The following NPAT variants were observed in gnomAD, a reference collection of about 807,000 sequenced individuals.
The protein encoded by NPAT is protein NPAT.
Under a neutral mutation model 130.7 loss-of-function variants are expected in NPAT, and 52 were observed. That is an observed-to-expected ratio of 0.40 (90% CI 0.32 to 0.50). The LOEUF is 0.50. Among genes scored for constraint, NPAT ranks in the 20% least tolerant of loss-of-function variants. The probability of loss-of-function intolerance (pLI) is 0.68; values close to 1 mark genes in which losing one functional copy is unlikely to be tolerated. For synonymous variants in NPAT, 580 were observed against 584.8 expected (o/e 0.99, Z 0.12); for missense variants, 1,687 against 1,662.6 (o/e 1.01, Z -0.26).
In NPAT at chr11:108,158,428, G is replaced by A. The variant is rs571857473; in HGVS notation, c.*514C>T. On this transcript the variant is annotated 3_prime_UTR_variant, in exon 18 of 18. Coordinates refer to ENST00000278612, the MANE Select transcript of NPAT (RefSeq NM_002519.3). The stretch of plus-strand genomic sequence containing the variant: ...TCATCAAACTGTTGATTTCTAATTA[G>A]ATATTTTGCTATCAGTTGAGGTGGT... The A allele has an allele frequency of 6.5e-6, 1 of 153,348 alleles. No homozygotes were observed. Among genetic ancestry groups the A allele is most frequent in the East Asian group, 1.9e-4 (1 of 5,202 alleles). 9.5% of individuals were successfully genotyped at this position (153,348 alleles called of 1,614,324 possible). A position where few individuals can be genotyped will look rare whatever the true frequency, so the allele number is the denominator to read the frequency against.
intron 1 of NPAT, among the ~76,000 whole-genome samples, chr11:108,199,700 C>T (rs1411165641): frequency 6.6e-6 from 1 of 152,170 alleles, no homozygotes; most frequent in African/African-American, 2.4e-5. Flanking sequence ...GGAATGTTGG[C>T]TTTGTTTCAA....
At chr11:108,211,007 T>G (rs1170757191) in intron 1 of NPAT, among the ~76,000 whole-genome samples, 1 of 151,060 alleles carries the variant, frequency 6.6e-6, no homozygotes, top group Non-Finnish European at 1.5e-5. Flanking sequence ...GATCATGAGG[T>G]CAGGAGATTG....
At position 108,193,969 on chromosome 11, in the gene NPAT, T is replaced by C. The variant is rs753171916; in HGVS notation, c.205A>G (p.Met69Val). Residue 69 changes from methionine (M) to valine (V), a missense_variant, in exon 3 of 18, where the codon ATG (methionine) becomes GTG (valine). Transcript: ENST00000278612. ...LTTILNEYVA[M>V]KTKETSNNVP... ...TCAGAACTCTTACCTTTTGTTTTCA[T>C]AGCTACATACTCATTTAAAATTGTT... is the stretch of plus-strand genomic sequence containing the variant. 19 of 1,574,418 alleles carry C rather than the reference T, an allele frequency of 1.2e-5. No individual in the cohort carries two copies. The South Asian group carries it at 1.7e-4, about 14-fold the overall frequency.
intron 1 of NPAT, among the ~76,000 whole-genome samples, chr11:108,200,658 A>G (rs1453361500): frequency 1.3e-5 from 2 of 152,144 alleles, no homozygotes; most frequent in African/African-American, 4.8e-5. Context: ...GCCATCACTG[A>G]TAACTCAAGG....
intron 15 of NPAT, among the ~76,000 whole-genome samples, chr11:108,164,052 A>T (rs1203060811): frequency 1.3e-5 from 2 of 152,230 alleles, no homozygotes; most frequent in East Asian, 3.8e-4. Context: ...TTATTTCTTT[A>T]AGAAAGAAGG....
intron 15 of NPAT, 79 bp from the exon 16 acceptor site, chr11:108,162,259 T>A: frequency 1.5e-6 from 2 of 1,314,668 alleles, no homozygotes; most frequent in Non-Finnish European, 2.2e-6. Flanking sequence ...AATTATCACA[T>A]ATCATGAGAA....
chr11:108,208,446 G>C (rs1184840374), intron 1 of NPAT: 3 of 455,886 alleles, frequency 6.6e-6, no homozygotes, highest in Non-Finnish European at 1.3e-5. Flanking sequence ...AAATTAGCTG[G>C]GCTTGGTGGT....
At position 108,173,849 on chromosome 11, in the gene NPAT, C is replaced by T. The variant is rs765238497; in HGVS notation, c.1135G>A (p.Gly379Ser). ...KGSFETEESD[G>S]QSGQPAFCTS... ...CAAAAAGCGGGCTGACCAGACTGAC[C>T]ATCTGCAAAGTATCAGGCAGGTAGA... The change falls in exon 13 of 18, where the codon GGT becomes AGT. Residue 379 changes from glycine to serine, a missense_variant and splice_region_variant. By Grantham distance (56) the Gly-to-Ser change is moderately conservative. Transcript: ENST00000278612. The T allele has an allele frequency of 3.7e-6, 6 of 1,613,740 alleles. No homozygotes were observed. In the African/African-American group the frequency reaches 4.0e-5, roughly 11 times the overall value.
At chr11:108,222,190 T>C (rs1485077922) in intron 1 of NPAT, among the ~76,000 whole-genome samples, 1 of 152,144 alleles carries the variant, frequency 6.6e-6, no homozygotes, top group Non-Finnish European at 1.5e-5. Context: ...TGCAGACAAA[T>C]GCTCTTTCAG....
intron 16 of NPAT, 32 bp from the exon 17 acceptor site, chr11:108,162,046 CA>C: frequency 6.2e-7 from 1 of 1,609,924 alleles, no homozygotes; most frequent in Non-Finnish European, 8.5e-7. Flanking sequence ...CTATTTCTAG[CA>C]GCATAAAGAA....
rs534269119 is a variant in NPAT at position 108,185,322 on chromosome 11, G to A, written c.819-3C>T. 49 of 1,603,644 alleles carry A rather than the reference G, an allele frequency of 3.1e-5. No individual in the cohort carries two copies. Among genetic ancestry groups the A allele is most frequent in the South Asian group, 2.7e-4 (24 of 90,224 alleles). ...GTACTTGGGCAATATTGTTATCACT[G>A]TTAATAAAGAAAGAAAAATCTTTAT... On this transcript the variant is annotated splice_region_variant and splice_polypyrimidine_tract_variant and intron_variant, in intron 9 of 17. Transcript: ENST00000278612.
At chr11:108,197,729 C>T (rs2078237361) in intron 1 of NPAT, among the ~76,000 whole-genome samples, 1 of 152,218 alleles carries the variant, frequency 6.6e-6, no homozygotes, top group South Asian at 2.1e-4. Flanking sequence ...CTATGTCCCT[C>T]TACTGCATAA....
intron 15 of NPAT, among the ~76,000 whole-genome samples, chr11:108,163,155 C>T (rs754910627): frequency 2.0e-5 from 3 of 151,998 alleles, no homozygotes; most frequent in Admixed American, 1.3e-4. Context: ...TCTTGGCTCA[C>T]TGCAACCTCC....
In NPAT at chr11:108,194,000, G is replaced by GT; in HGVS notation, c.173dup (p.Asn58LysfsTer8). ...CATACTCATTTAAAATTGTTGTCAA[G>GT]TTTTTTCCAAATAAGGACTGAAAAG... On this transcript the variant is annotated frameshift_variant, in exon 3 of 18. Transcript: ENST00000278612. LOFTEE classifies it high-confidence loss of function. 1 of 1,555,926 alleles carries GT rather than the reference G, an allele frequency of 6.4e-7. No homozygotes were observed. Among genetic ancestry groups the GT allele is most frequent in the Non-Finnish European group, 8.9e-7 (1 of 1,128,456 alleles).
chr11:108,211,131 G>C (rs556959198), intron 1 of NPAT, among the ~76,000 whole-genome samples: 101 of 151,982 alleles, frequency 6.6e-4, no homozygotes, highest in African/African-American at 2.0e-3. Flanking sequence ...GGACAGAATC[G>C]CTTGAACCAG....
intron 10 of NPAT, among the ~76,000 whole-genome samples, chr11:108,184,977 G>A (rs190504708): frequency 3.3e-5 from 5 of 152,034 alleles, no homozygotes; most frequent in Admixed American, 2.6e-4. Context: ...TTTAAGTATT[G>A]AATACTTAGG....
chr11:108,174,615 CTTT>C (rs1208012953), intron 12 of NPAT, among the ~76,000 whole-genome samples: 4 of 132,614 alleles, frequency 3.0e-5, no homozygotes, highest in Non-Finnish European at 4.9e-5. Flanking sequence ...AGAGTATTTC[CTTT>C]TTTTTTTTTT....
In NPAT at chr11:108,173,574, T is replaced by C; in HGVS notation, c.1410A>G (p.Leu470=). The change falls in exon 13 of 18, where the codon TTA becomes TTG. Residue 470 remains leucine (L), a synonymous_variant. Transcript: ENST00000278612. ...NAECNPHCAE[L]YTNQMSTETE... is the part of the protein sequence containing the mutation. ...TTTCAGTGGACATCTGATTGGTGTA[T>C]AATTCAGCACAATGTGGATTACATT... 4 of 1,614,220 alleles carry C rather than the reference T, an allele frequency of 2.5e-6. No homozygotes were observed. The highest frequency in any genetic ancestry group is 3.4e-6 in the Non-Finnish European group (4 of 1,180,036).
chr11:108,194,333 T>C (rs966369931), intron 2 of NPAT, among the ~76,000 whole-genome samples: 2 of 152,160 alleles, frequency 1.3e-5, no homozygotes, highest in East Asian at 1.9e-4. Context: ...TCTAGCTGTA[T>C]ATATATATAT....
Sources: allele counts gnomAD v4.1 joint callset (sites outside exome capture counted in the v4.1 genomes callset), GRCh38; gene constraint gnomAD v4.1.1; transcripts MANE v1.5; gene names NCBI Gene and HGNC (gene_info 2026-07-23, HGNC 2026-07-21).